The following GLI2 variants were observed in gnomAD, a reference collection of about 807,000 sequenced individuals.
GLI2 encodes transcription activator GLI2.
Under a neutral mutation model 78.9 loss-of-function variants are expected in GLI2, and 22 were observed. That is an observed-to-expected ratio of 0.28 (90% confidence interval 0.20 to 0.40). The LOEUF (loss-of-function observed/expected upper bound fraction) is 0.40. Ranked by LOEUF, GLI2 falls within the 10% of genes least tolerant of loss-of-function variation. The pLI is 1.00. For synonymous variants in GLI2, 974 were observed against 963.7 expected, an observed-to-expected ratio of 1.01 and a Z score of -0.20; for missense variants, 2,097 against 2,213.2, an observed-to-expected ratio of 0.95 and a Z score of 1.05.
In GLI2 at chr2:120,807,179, A is replaced by T. The variant is rs554502223; in HGVS notation, c.148+9711A>T. Among the ~76,000 whole-genome samples the T allele has an allele frequency of 9.9e-5, 15 of 152,268 alleles. No individual in the cohort carries two copies. The East Asian group carries it at 2.5e-3, about 26-fold the overall frequency. On this transcript the variant is annotated intron_variant, in intron 2 of 13. Coordinates refer to ENST00000361492, the MANE Select transcript of GLI2 (RefSeq NM_001374353.1). ...CCCCCTGGGGACGATGCAGGGAGCC[A>T]TCAGCCCCAGGACACCAGCATGGTC...
intron 1 of GLI2, among the ~76,000 whole-genome samples, chr2:120,758,172 G>A (rs1277560960): frequency 6.6e-6 from 1 of 152,156 alleles, no homozygotes; most frequent in East Asian, 1.9e-4. Context: ...CCACTTATCC[G>A]GGCCGCCTGG....
intron 2 of GLI2, among the ~76,000 whole-genome samples, chr2:120,897,879 A>G (rs1446431995): frequency 6.6e-6 from 1 of 152,132 alleles, no homozygotes; most frequent in Non-Finnish European, 1.5e-5. Context: ...TTAAGGTGCT[A>G]AAGTCTCATG....
chr2:120,743,322 G>T (rs1337250834), intron 1 of GLI2, among the ~76,000 whole-genome samples: 5 of 152,156 alleles, frequency 3.3e-5, no homozygotes, highest in South Asian at 2.1e-4. Context: ...TTTGTCCTTT[G>T]CTAGTTAAGA....
intron 2 of GLI2, among the ~76,000 whole-genome samples, chr2:120,836,118 A>T (rs1267793906): frequency 6.6e-6 from 1 of 152,144 alleles, no homozygotes; most frequent in East Asian, 1.9e-4. Flanking sequence ...TGGCCCCCCC[A>T]TCTGGGCTGT....
At chr2:120,767,678 C>A (rs1453450950) in intron 1 of GLI2, among the ~76,000 whole-genome samples, 1 of 152,226 alleles carries the variant, frequency 6.6e-6, no homozygotes, top group Non-Finnish European at 1.5e-5. Flanking sequence ...CTCTGCCCAG[C>A]CCCCACTGCC....
rs763852684 is a variant in GLI2, at chr2:120,990,065, G to A, written c.4100G>A (p.Arg1367His). Residue 1367 changes from arginine (R) to histidine (H), a missense_variant, in exon 14 of 14, where the codon CGT (arginine) becomes CAT (histidine). Coordinates refer to ENST00000361492, the MANE Select transcript of GLI2 (RefSeq NM_001374353.1). ...GAGCCCAGCCCCACTGGCCGCCACC[G>A]TGGGGTACGTGCTGTGCAGCAGCAG... Reference protein sequence around the residue: ...PLEPSPTGRHRGVRAVQQQLA... With the variant: ...PLEPSPTGRHHGVRAVQQQLA... The A allele has an allele frequency of 3.1e-5, 49 of 1,599,912 alleles. No homozygotes were observed. The highest frequency in any genetic ancestry group is 1.2e-4 in the African/African-American group (9 of 74,744).
chr2:120,944,224 G>A (rs746080954), intron 3 of GLI2, among the ~76,000 whole-genome samples: 8 of 152,200 alleles, frequency 5.3e-5, no homozygotes, highest in Non-Finnish European at 1.2e-4. Context: ...AGGGTCCTGG[G>A]ATTTGATGCC....
At chr2:120,919,128 A>G (rs1029963347) in intron 2 of GLI2, among the ~76,000 whole-genome samples, 2 of 151,938 alleles carry the variant, frequency 1.3e-5, no homozygotes, top group Admixed American at 6.6e-5. Flanking sequence ...GCAACCAGTA[A>G]GCCATCTACA....
At chr2:120,977,609 G>T (rs575758077) in intron 9 of GLI2, among the ~76,000 whole-genome samples, 2 of 152,306 alleles carry the variant, frequency 1.3e-5, no homozygotes, top group Non-Finnish European at 2.9e-5. Context: ...AGGAAGGGGA[G>T]GCCTCTAAGA....
chr2:120,971,728 G>C (rs1682182856), intron 7 of GLI2, among the ~76,000 whole-genome samples: 1 of 152,240 alleles, frequency 6.6e-6, no homozygotes, highest in African/African-American at 2.4e-5. Context: ...GTGATGGAGA[G>C]ATGGGGGTTG....
intron 1 of GLI2, among the ~76,000 whole-genome samples, chr2:120,789,614 C>G (rs542167263): frequency 2.6e-5 from 4 of 152,370 alleles, no homozygotes; most frequent in Admixed American, 1.3e-4. Context: ...CTGCCTTGGA[C>G]TTTGAAGCAC....
chr2:120,772,047 G>T (rs554298637), intron 1 of GLI2, among the ~76,000 whole-genome samples: 1 of 152,130 alleles, frequency 6.6e-6, no homozygotes, highest in Admixed American at 6.5e-5. Context: ...ATTGCCTAAC[G>T]CACACAGATG....
chr2:120,815,574 C>T (rs1685455435), intron 2 of GLI2, among the ~76,000 whole-genome samples: 1 of 152,194 alleles, frequency 6.6e-6, no homozygotes, highest in Non-Finnish European at 1.5e-5. Context: ...TCACGTGCCC[C>T]CTGGCCCACC....
In GLI2 at chr2:120,991,270, G is replaced by T. The variant is rs1683284922; in HGVS notation, c.*595G>T. On this transcript the variant is annotated 3_prime_UTR_variant, in exon 14 of 14. Coordinates refer to ENST00000361492, the MANE Select transcript of GLI2 (RefSeq NM_001374353.1). ...TCTGATTCCAGGTTTGGTAGAGCTG[G>T]CTCTTCTACTCCGTAAAGCCGAGTC... is the stretch of plus-strand genomic sequence containing the variant. 1 of 152,836 alleles carries T rather than the reference G, an allele frequency of 6.5e-6. No individual in the cohort carries two copies. Among genetic ancestry groups the T allele is most frequent in the African/African-American group, 2.4e-5 (1 of 41,452 alleles). The allele number at this position is 152,836 out of a possible 1,614,324, so 9.5% of individuals were successfully genotyped here.
intron 1 of GLI2, among the ~76,000 whole-genome samples, chr2:120,778,228 C>G (rs902332158): frequency 2.0e-5 from 3 of 152,154 alleles, no homozygotes; most frequent in African/African-American, 7.2e-5. Context: ...TCCTCGCTCC[C>G]GATTCTCCTC....
chr2:120,917,952 G>C (rs900879156), intron 2 of GLI2, among the ~76,000 whole-genome samples: 3 of 152,218 alleles, frequency 2.0e-5, no homozygotes, highest in Non-Finnish European at 2.9e-5. Context: ...CTGGGGATTG[G>C]TCATCTGGGA....
intron 2 of GLI2, among the ~76,000 whole-genome samples, chr2:120,876,435 G>A (rs277550): frequency 0.35 from 53,428 of 152,000 alleles, 9,662 homozygotes; most frequent in South Asian, 0.49. Context: ...GGGTCTCTCC[G>A]CTCAGCTGCT....
chr2:120,986,780 C>T (rs149452941), intron 13 of GLI2, among the ~76,000 whole-genome samples, 166 bp downstream of exon 13: 1 of 152,276 alleles, frequency 6.6e-6, no homozygotes, highest in African/African-American at 2.4e-5. Flanking sequence ...AAATGCCTTA[C>T]CCAAATCAAT....
intron 3 of GLI2, among the ~76,000 whole-genome samples, chr2:120,936,294 A>G (rs548308932): frequency 1.3e-5 from 2 of 152,244 alleles, no homozygotes; most frequent in East Asian, 3.9e-4. Flanking sequence ...ATGTAGAAGC[A>G]CACCTGGGAC....
Sources: gnomAD v4.1 joint callset for allele counts (sites outside exome capture counted in the v4.1 genomes callset) on GRCh38, gnomAD v4.1.1 for gene constraint, MANE v1.5 for transcripts, NCBI Gene and HGNC (gene_info 2026-07-23, HGNC 2026-07-21) for gene names.